MCC: variants seen among roughly 807,000 people sequenced by gnomAD.
The protein encoded by MCC is colorectal mutant cancer protein.
In MCC, 90 loss-of-function variants were observed where a neutral mutation model predicts 116.2. The observed-to-expected ratio is 0.77, with a 90% CI of 0.65 to 0.92. The LOEUF is 0.92. Ranked by LOEUF, MCC falls within the 40% of genes least tolerant of loss-of-function variation. MCC has a pLI of 0.00. For synonymous variants in MCC, 578 were observed against 510.5 expected, an observed-to-expected ratio of 1.13 and a Z score of -1.78; for missense variants, 1,516 against 1,312.2, an observed-to-expected ratio of 1.16 and a Z score of -2.40.
chr5:113,242,228 A>G, intron 3 of MCC, among the ~76,000 whole-genome samples: 1 of 152,216 alleles, frequency 6.6e-6, no homozygotes, highest in Non-Finnish European at 1.5e-5. Flanking sequence ...TCAGGAGAGT[A>G]ATAGCTAGGC....
Position 113,043,577 on chromosome 5 carries a change from C to G in MCC, c.2709G>C (p.Thr903=). The part of the protein sequence containing the change: ...PALSLAELRT[T]CSENELAAEF... ...CCGCAGCCAGCTCATTCTCGCTGCA[C>G]GTTGTCCTGAGTTCGGCTAGGGACA... Residue 903 remains threonine (T), a synonymous_variant, in exon 17 of 19, where the codon ACG becomes ACC. Transcript: ENST00000408903. The G allele has an allele frequency of 1.2e-6, 2 of 1,614,152 alleles. No individual in the cohort carries two copies. The highest frequency in any genetic ancestry group is 8.5e-7 in the Non-Finnish European group (1 of 1,180,016).
At chr5:113,050,346 A>G (rs1304601052) in intron 15 of MCC, among the ~76,000 whole-genome samples, 1 of 152,062 alleles carries the variant, frequency 6.6e-6, no homozygotes, top group African/African-American at 2.4e-5. Context: ...TTCCCAGCCC[A>G]CCGTGAGATG....
At chr5:113,217,515 C>G (rs1424969146) in intron 3 of MCC, among the ~76,000 whole-genome samples, 4 of 148,966 alleles carry the variant, frequency 2.7e-5, no homozygotes, top group Non-Finnish European at 5.9e-5. Flanking sequence ...GGGGCTAGAA[C>G]AGAGATACTT....
At chr5:113,408,717 CA>C (rs1270465977) in intron 1 of MCC, among the ~76,000 whole-genome samples, 1 of 152,148 alleles carries the variant, frequency 6.6e-6, no homozygotes, top group Non-Finnish European at 1.5e-5. Flanking sequence ...TTGATAACCA[CA>C]AATGTAGACA....
intron 1 of MCC, among the ~76,000 whole-genome samples, chr5:113,407,951 G>A (rs1361498393): frequency 5.3e-5 from 8 of 152,122 alleles, no homozygotes; most frequent in Non-Finnish European, 8.8e-5. Context: ...TTACTGGCTA[G>A]TTAGTGCCAA....
chr5:113,101,298 A>G (rs982498883), intron 8 of MCC, among the ~76,000 whole-genome samples: 3 of 152,142 alleles, frequency 2.0e-5, no homozygotes, highest in African/African-American at 7.2e-5. Context: ...ACGACATTCT[A>G]TACTAGATTC....
intron 3 of MCC, among the ~76,000 whole-genome samples, chr5:113,313,325 G>A (rs914901014): frequency 6.6e-6 from 1 of 152,074 alleles, no homozygotes; most frequent in Non-Finnish European, 1.5e-5. Flanking sequence ...CCAGCGTGGT[G>A]ACAGCAAAAC....
chr5:113,313,778 T>C (rs1453217708), intron 3 of MCC, among the ~76,000 whole-genome samples: 1 of 151,902 alleles, frequency 6.6e-6, no homozygotes, highest in Non-Finnish European at 1.5e-5. Context: ...TAATCTGCCA[T>C]TTTCTTTCTC....
chr5:113,294,299 C>G, intron 3 of MCC: 1 of 1,613,334 alleles, frequency 6.2e-7, no homozygotes, highest in East Asian at 2.2e-5. Context: ...GCCCGAGAAA[C>G]CCTAGCTCCC....
At chr5:113,145,672 C>T (rs1759451474) in intron 4 of MCC, among the ~76,000 whole-genome samples, 1 of 151,992 alleles carries the variant, frequency 6.6e-6, no homozygotes, top group South Asian at 2.1e-4. Context: ...CCTGGCCAAC[C>T]AGCAGCCCTC....
chr5:113,133,682 G>A (rs1359753180), intron 5 of MCC, among the ~76,000 whole-genome samples: 1 of 152,082 alleles, frequency 6.6e-6, no homozygotes, highest in African/African-American at 2.4e-5. Context: ...TCTATTTTGA[G>A]TTTTTTGAGG....
At chr5:113,310,216 A>G (rs574963416) in intron 3 of MCC, among the ~76,000 whole-genome samples, 191 of 152,334 alleles carry the variant, frequency 1.3e-3, no homozygotes, top group Non-Finnish European at 1.9e-3. Context: ...ACTCTCATAA[A>G]TGAGATTAAT....
chr5:113,374,389 A>C (rs928596308), intron 2 of MCC, among the ~76,000 whole-genome samples: 9 of 152,052 alleles, frequency 5.9e-5, no homozygotes, highest in Non-Finnish European at 8.8e-5. Context: ...AGGAGCCCTA[A>C]ACAACCCAAA....
At chr5:113,174,463 A>G (rs1026915447) in intron 3 of MCC, among the ~76,000 whole-genome samples, 5 of 152,202 alleles carry the variant, frequency 3.3e-5, no homozygotes, top group African/African-American at 1.2e-4. Context: ...AATAACAAAA[A>G]CTAAACGAAC....
In MCC at chr5:113,043,545, G is replaced by C; in HGVS notation, c.2741C>G (p.Thr914Ser). The C allele has an allele frequency of 6.2e-7, 1 of 1,614,110 alleles. No homozygotes were observed. The highest frequency in any genetic ancestry group is 2.2e-5 in the East Asian group (1 of 44,888). Residue 914 changes from threonine to serine, a missense_variant, in exon 17 of 19, where the codon ACC becomes AGC. Transcript: ENST00000408903. ...CSENELAAEFTNAIRREKKLK... is the reference protein window; with the variant it reads ...CSENELAAEFSNAIRREKKLK... ...GGGTGCTTACCGACGAATGGCGTTGGTGAACTCCGCAGCCAGCTCATTCTC... is the reference window on the plus strand; with the variant it reads ...GGGTGCTTACCGACGAATGGCGTTGCTGAACTCCGCAGCCAGCTCATTCTC...
At chr5:113,486,830 A>C (rs1023745054) in intron 1 of MCC, among the ~76,000 whole-genome samples, 7 of 125,408 alleles carry the variant, frequency 5.6e-5, no homozygotes, top group African/African-American at 2.1e-4. Flanking sequence ...TGATAGAGCG[A>C]GATTCTGTCT....
At chr5:113,214,449 G>C (rs1763239174) in intron 3 of MCC, among the ~76,000 whole-genome samples, 1 of 152,170 alleles carries the variant, frequency 6.6e-6, no homozygotes, top group Non-Finnish European at 1.5e-5. Context: ...GTAGATCCTT[G>C]AGTAGCTTAT....
At chr5:113,243,722 G>A (rs1997521) in intron 3 of MCC, among the ~76,000 whole-genome samples, 24,291 of 152,134 alleles carry the variant, frequency 0.16, 2,285 homozygotes, top group Admixed American at 0.29. Context: ...CCTCCTGAAC[G>A]AAGTTAGCAA....
At chr5:113,367,089 C>T (rs879393188) in intron 2 of MCC, among the ~76,000 whole-genome samples, 4 of 152,144 alleles carry the variant, frequency 2.6e-5, no homozygotes, top group Non-Finnish European at 4.4e-5. Context: ...GTGTGAGCTG[C>T]TGTACCTAGC....
Sources: gnomAD v4.1 joint callset for allele counts (sites outside exome capture counted in the v4.1 genomes callset) on GRCh38, gnomAD v4.1.1 for gene constraint, MANE v1.5 for transcripts, NCBI Gene and HGNC (gene_info 2026-07-23, HGNC 2026-07-21) for gene names.